DGKH: variants seen among roughly 807,000 people sequenced by gnomAD.
The protein encoded by DGKH is DAG kinase eta.
DGKH carries 90 observed loss-of-function variants against 159.3 expected under a neutral mutation model. That is an observed-to-expected ratio of 0.57 (90% CI 0.48 to 0.67). DGKH has a LOEUF of 0.67. DGKH is among the 30% of genes least tolerant of loss of function. DGKH has a pLI of 0.00. For missense variants in DGKH, 1,181 were observed against 1,506.1 expected, an observed-to-expected ratio of 0.78 and a Z score of 3.57; for synonymous variants, 536 against 553.8, an observed-to-expected ratio of 0.97 and a Z score of 0.45.
At chr13:42,074,480 A>G (rs949600014) in intron 1 of DGKH, among the ~76,000 whole-genome samples, 1 of 152,192 alleles carries the variant, frequency 6.6e-6, no homozygotes, top group Admixed American at 6.5e-5. Flanking sequence ...CTTTTTATTT[A>G]TCAGTGACAT....
At chr13:42,191,981 T>C (rs1957081346) in intron 16 of DGKH, among the ~76,000 whole-genome samples, 1 of 152,202 alleles carries the variant, frequency 6.6e-6, no homozygotes, top group Admixed American at 6.5e-5. Flanking sequence ...AATATGAGGA[T>C]AATAATCTAC....
intron 3 of DGKH, among the ~76,000 whole-genome samples, chr13:42,142,129 C>T (rs1475446564): frequency 1.3e-5 from 2 of 151,978 alleles, no homozygotes; most frequent in African/African-American, 4.8e-5. Flanking sequence ...GCCAGTTTTC[C>T]CAGCACCATT....
chr13:42,126,011 A>AT (rs1955163368), intron 1 of DGKH, among the ~76,000 whole-genome samples: 1 of 152,186 alleles, frequency 6.6e-6, no homozygotes, highest in Admixed American at 6.5e-5. Context: ...AATGTGATCC[A>AT]TCTTGGACCC....
intron 1 of DGKH, among the ~76,000 whole-genome samples, chr13:42,060,538 C>T (rs1882080200): frequency 6.6e-6 from 1 of 152,180 alleles, no homozygotes; most frequent in Admixed American, 6.5e-5. Flanking sequence ...CTTTTATGTC[C>T]TGTAGAATAA....
At chr13:42,065,610 T>A (rs960537434) in intron 1 of DGKH, among the ~76,000 whole-genome samples, 1 of 151,792 alleles carries the variant, frequency 6.6e-6, no homozygotes, top group Non-Finnish European at 1.5e-5. Context: ...GGGTCTGGAG[T>A]GAACAGGTGA....
At chr13:42,191,929 CTTGGGCAAAT>C (rs1216350614) in intron 16 of DGKH, among the ~76,000 whole-genome samples, 3 of 152,072 alleles carry the variant, frequency 2.0e-5, no homozygotes, top group Non-Finnish European at 4.4e-5. Flanking sequence ...TACATATAAA[CTTGGGCAAAT>C]TTCTTAACCT....
At chr13:42,191,363 A>G (rs1313865552) in intron 16 of DGKH, among the ~76,000 whole-genome samples, 1 of 152,232 alleles carries the variant, frequency 6.6e-6, no homozygotes, top group East Asian at 1.9e-4. Flanking sequence ...GTGGGAGGGT[A>G]GGAATGGTAG....
chr13:42,065,314 A>T (rs1882484350), intron 1 of DGKH, among the ~76,000 whole-genome samples: 1 of 152,244 alleles, frequency 6.6e-6, no homozygotes, highest in Non-Finnish European at 1.5e-5. Flanking sequence ...TCTAGCTAAG[A>T]TTCCACAGTA....
At chr13:42,205,274 T>C (rs1037271) in intron 20 of DGKH, among the ~76,000 whole-genome samples, 67,240 of 151,916 alleles carry the variant, frequency 0.44, 15,237 homozygotes, top group Admixed American at 0.55. Context: ...TTGAGTAATT[T>C]TTAAAAAATT....
At chr13:42,142,879 A>C (rs1301301324) in intron 3 of DGKH, among the ~76,000 whole-genome samples, 2 of 152,150 alleles carry the variant, frequency 1.3e-5, no homozygotes, top group Non-Finnish European at 2.9e-5. Context: ...CTAACTGAAT[A>C]CCGTTTATTT....
At chr13:42,247,274 A>G (rs1447864824), downstream of DGKH, among the ~76,000 whole-genome samples, 1 of 138,372 alleles carries the variant, frequency 7.2e-6, no homozygotes, top group East Asian at 2.1e-4. Flanking sequence ...CTGTTGGTCC[A>G]GGCTGGAATA....
intron 29 of DGKH, chr13:42,225,271 G>C: frequency 6.3e-7 from 1 of 1,585,292 alleles, no homozygotes; most frequent in Non-Finnish European, 8.5e-7. Flanking sequence ...CAAACTGATT[G>C]CATCATTTTC....
chr13:42,232,531 T>C lies in DGKH; in HGVS notation c.*3343T>C, dbSNP rs1958324158. 3 of 152,230 alleles carry C rather than the reference T, an allele frequency of 2.0e-5. No homozygotes were observed. The highest frequency in any genetic ancestry group is 7.2e-5 in the African/African-American group (3 of 41,458). 9.4% of individuals were successfully genotyped at this position (152,230 alleles called of 1,614,324 possible). On this transcript the variant is annotated 3_prime_UTR_variant, in exon 30 of 30. Transcript: ENST00000337343. The stretch of plus-strand genomic sequence containing the variant: ...CCAATATAATCATGGTTGCTGAAAT[T>C]CTCACTGCCTTCTACTTTCCTTTCC...
chr13:42,200,072 C>T (rs569715958), intron 20 of DGKH, among the ~76,000 whole-genome samples, 163 bp downstream of exon 20: 2 of 152,258 alleles, frequency 1.3e-5, no homozygotes, highest in South Asian at 4.1e-4. Context: ...AGTATATACA[C>T]AGGATATGAA....
chr13:42,178,759 G>A (rs1350759075), intron 13 of DGKH, among the ~76,000 whole-genome samples: 1 of 152,120 alleles, frequency 6.6e-6, no homozygotes, highest in Non-Finnish European at 1.5e-5. Flanking sequence ...TTGCCTGGCT[G>A]GAATTTAGAA....
At chr13:42,124,681 CT>C (rs1260390500) in intron 1 of DGKH, among the ~76,000 whole-genome samples, 1 of 152,076 alleles carries the variant, frequency 6.6e-6, no homozygotes, top group Non-Finnish European at 1.5e-5. Context: ...ATTCCCATCC[CT>C]GTATATTAAG....
chr13:42,219,188 TG>T, intron 26 of DGKH, 41 bp from the exon 27 acceptor site: 1 of 1,610,078 alleles, frequency 6.2e-7, no homozygotes, highest in South Asian at 1.1e-5. Flanking sequence ...GGCTGGCCAC[TG>T]AGTCTTGTTT....
chr13:42,164,889 T>C (rs1203399748), intron 7 of DGKH, among the ~76,000 whole-genome samples: 1 of 152,194 alleles, frequency 6.6e-6, no homozygotes, highest in African/African-American at 2.4e-5. Context: ...ATAGATTTTA[T>C]CTTTGTTAAA....
chr13:42,142,182 G>A (rs118108527), intron 3 of DGKH, among the ~76,000 whole-genome samples: 19,515 of 152,118 alleles, frequency 0.13, 1,604 homozygotes, highest in Admixed American at 0.22. Context: ...TTTTAGTCAG[G>A]TTTGTCAAAG....
Sources: allele counts gnomAD v4.1 joint callset (sites outside exome capture counted in the v4.1 genomes callset), GRCh38; gene constraint gnomAD v4.1.1; transcripts MANE v1.5; gene names NCBI Gene and HGNC (gene_info 2026-07-23, HGNC 2026-07-21).